SMPD3: variants seen among roughly 807,000 people sequenced by gnomAD.
SMPD3 encodes nSMase-2.
SMPD3 carries 21 observed loss-of-function variants against 55.7 expected under a neutral mutation model. The observed-to-expected ratio is 0.38, with a 90% CI of 0.27 to 0.54. The LOEUF is 0.54. Among genes scored for constraint, SMPD3 ranks in the 20% least tolerant of loss-of-function variants. SMPD3 has a pLI of 0.80. For missense variants in SMPD3, 842 were observed against 899.6 expected (o/e 0.94, Z 0.82); for synonymous variants, 457 against 404.3 (o/e 1.13, Z -1.56).
chr16:68,441,541 T>G (rs922205214), intron 1 of SMPD3, among the ~76,000 whole-genome samples: 3 of 152,104 alleles, frequency 2.0e-5, no homozygotes, highest in Non-Finnish European at 2.9e-5. Context: ...TAAAATATTA[T>G]TTTAACCTGT....
chr16:68,361,210 G>A lies in SMPD3; in HGVS notation c.1964C>T (p.Ala655Val), dbSNP rs999171040. 4.3e-6 allele frequency: 7 copies of A among 1,613,024 alleles called. No individual in the cohort carries two copies. The highest frequency in any genetic ancestry group is 5.9e-6 in the Non-Finnish European group (7 of 1,179,556). The stretch of plus-strand genomic sequence containing the variant: ...GGCCCCGCTGCTCCGGACGGTCTAT[G>A]CCTCCTCCTCCCCCGAAGACACCAT... ...RLMVSSGEEE[A>V] Residue 655 changes from alanine to valine, a missense_variant, in exon 9 of 9, where the codon GCA (alanine) becomes GTA (valine). Ala to Val is a moderately conservative substitution (Grantham distance 64). This residue lies in a region of SMPD3 where 649 missense variants were observed against 643.6 expected (regional missense o/e 1.01). Transcript: ENST00000219334.
intron 1 of SMPD3, among the ~76,000 whole-genome samples, chr16:68,429,727 C>A (rs917413670): frequency 6.6e-6 from 1 of 152,128 alleles, no homozygotes. Context: ...CCGTGCTTTT[C>A]AAAATGAAGG....
rs1271960892 is a variant in SMPD3 at position 68,372,021 on chromosome 16, C to G, written c.161G>C (p.Cys54Ser). Reference protein sequence around the residue: ...EKRQRADDPCCLQLLCTALFT... With the variant: ...EKRQRADDPCSLQLLCTALFT... ...GAGGGCAGTGCAGAGCAGCTGCAGG[C>G]AGCACGGGTCGTCTGCCCGCTGGCG... Residue 54 changes from cysteine to serine, a missense_variant, in exon 3 of 9, where the codon TGC becomes TCC. Around this residue, in one of 2 missense-constraint regions of SMPD3, gnomAD observed 193 missense variants for 256.0 expected, o/e 0.75. Coordinates refer to ENST00000219334, the MANE Select transcript of SMPD3 (RefSeq NM_018667.4). The G allele has an allele frequency of 1.2e-6, 2 of 1,611,228 alleles. No homozygotes were observed. Among genetic ancestry groups the G allele is most frequent in the East Asian group, 4.5e-5 (2 of 44,740 alleles).
At chr16:68,361,339 T>A in intron 8 of SMPD3, 32 bp from the exon 9 acceptor site, 1 of 1,586,638 alleles carries the variant, frequency 6.3e-7, no homozygotes, top group Non-Finnish European at 8.6e-7. Context: ...AGAAACAGCC[T>A]GGTCAGATTC....
chr16:68,398,524 T>C lies in SMPD3; in HGVS notation c.-268-11865A>G, dbSNP rs2090179890. On this transcript the variant is annotated intron_variant, in intron 1 of 8. Transcript: ENST00000219334. ...AGGCTGATGTGGCCAACCTTCACCT[T>C]GTTCTCCAGAAACCACCAAAAAGCT... Among the ~76,000 whole-genome samples the C allele has an allele frequency of 2.0e-5, 3 of 152,288 alleles. No individual in the cohort carries two copies. The South Asian group carries it at 6.2e-4, about 32-fold the overall frequency.
intron 1 of SMPD3, among the ~76,000 whole-genome samples, chr16:68,437,656 A>T (rs2090533457): frequency 6.6e-6 from 1 of 151,886 alleles, no homozygotes; most frequent in Non-Finnish European, 1.5e-5. Flanking sequence ...TCATCAAGAG[A>T]CTCTCTCATA....
At chr16:68,446,440 C>A (rs575699093) in intron 1 of SMPD3, among the ~76,000 whole-genome samples, 1 of 151,774 alleles carries the variant, frequency 6.6e-6, no homozygotes, top group Non-Finnish European at 1.5e-5. Flanking sequence ...GCTCCCCACC[C>A]CCACAACATC....
At chr16:68,427,759 G>GA (rs905105852) in intron 1 of SMPD3, among the ~76,000 whole-genome samples, 3 of 151,106 alleles carry the variant, frequency 2.0e-5, no homozygotes, top group Admixed American at 6.6e-5. Context: ...GACTGGGGGG[G>GA]GGTGCTGATG....
intron 1 of SMPD3, among the ~76,000 whole-genome samples, chr16:68,390,766 C>G (rs1250779085): frequency 1.2e-4 from 18 of 152,206 alleles, no homozygotes; most frequent in Admixed American, 3.3e-4. Context: ...TTGCCCGGTT[C>G]AAACACCTCT....
intron 3 of SMPD3, among the ~76,000 whole-genome samples, chr16:68,366,723 G>A (rs773091622): frequency 6.6e-5 from 10 of 152,118 alleles, no homozygotes; most frequent in East Asian, 3.9e-4. Flanking sequence ...AAAATTAGCC[G>A]GGTGTGCTGG....
chr16:68,381,245 GCAC>G (rs1270901753), intron 2 of SMPD3, among the ~76,000 whole-genome samples: 1 of 152,162 alleles, frequency 6.6e-6, no homozygotes, highest in Non-Finnish European at 1.5e-5. Flanking sequence ...TCTACACATG[GCAC>G]CATGAAAGAC....
chr16:68,418,546 T>G (rs778543278), intron 1 of SMPD3, among the ~76,000 whole-genome samples: 14 of 152,196 alleles, frequency 9.2e-5, no homozygotes, highest in Non-Finnish European at 1.9e-4. Flanking sequence ...TAGGGACATA[T>G]TCCCCAAAAG....
intron 1 of SMPD3, among the ~76,000 whole-genome samples, chr16:68,402,632 C>T (rs2090220283): frequency 1.3e-5 from 2 of 152,056 alleles, no homozygotes; most frequent in Admixed American, 1.3e-4. Flanking sequence ...GACTGCCAGC[C>T]CCGATGACCA....
chr16:68,407,779 TCTTAA>T (rs1464126488), intron 1 of SMPD3, among the ~76,000 whole-genome samples: 1 of 152,246 alleles, frequency 6.6e-6, no homozygotes, highest in Non-Finnish European at 1.5e-5. Flanking sequence ...GTGTGCGAAC[TCTTAA>T]CTTGCTGAGT....
intron 1 of SMPD3, among the ~76,000 whole-genome samples, chr16:68,409,041 CTG>C (rs1355308959): frequency 2.6e-5 from 4 of 152,306 alleles, no homozygotes; most frequent in African/African-American, 9.6e-5. Flanking sequence ...CTGCAGGTGA[CTG>C]GGGTGTGTGT....
intron 2 of SMPD3, among the ~76,000 whole-genome samples, chr16:68,383,660 C>T (rs896261681): frequency 6.6e-6 from 1 of 152,178 alleles, no homozygotes; most frequent in African/African-American, 2.4e-5. Context: ...CTCTTCCCTC[C>T]CTTCTCGGCT....
intron 1 of SMPD3, among the ~76,000 whole-genome samples, chr16:68,411,503 GGTGA>G (rs1290136157): frequency 1.3e-5 from 2 of 152,218 alleles, no homozygotes; most frequent in Non-Finnish European, 1.5e-5. Flanking sequence ...GGTGGAGGCT[GGTGA>G]GTGAGGGATG....
intron 1 of SMPD3, among the ~76,000 whole-genome samples, chr16:68,427,580 T>A (rs2152027844): frequency 6.6e-6 from 1 of 152,352 alleles, no homozygotes; most frequent in South Asian, 2.1e-4. Context: ...ACTGAATTTT[T>A]AATTTAATCT....
At chr16:68,387,117 G>A (rs908484282) in intron 1 of SMPD3, among the ~76,000 whole-genome samples, 1 of 152,158 alleles carries the variant, frequency 6.6e-6, no homozygotes, top group Non-Finnish European at 1.5e-5. Flanking sequence ...GCTTCCCTAA[G>A]ATACTGAGGG....
Sources: gnomAD v4.1 joint callset for allele counts (sites outside exome capture counted in the v4.1 genomes callset) on GRCh38, gnomAD v4.1.1 for gene constraint, gnomAD v4.1.1 regional missense constraint, MANE v1.5 for transcripts, NCBI Gene and HGNC (gene_info 2026-07-23, HGNC 2026-07-21) for gene names.